Variants in AAMDC observed in about 807,000 individuals in gnomAD.
AAMDC encodes the protein adipogenesis associated Mth938 domain containing.
AAMDC carries 16 observed loss-of-function variants against 15.5 expected under a neutral mutation model. The observed-to-expected ratio is 1.03, with a 90% confidence interval of 0.70 to 1.57. The LOEUF (loss-of-function observed/expected upper bound fraction) is 1.57. Among genes scored for constraint, AAMDC ranks in the 40% most tolerant of loss-of-function variants. AAMDC has a pLI of 0.00. For missense variants in AAMDC, 141 were observed against 144.9 expected, an observed-to-expected ratio of 0.97 and a Z score of 0.14; for synonymous variants, 51 against 51.6, an observed-to-expected ratio of 0.99 and a Z score of 0.05.
rs1288648638 is a variant in AAMDC at position 77,891,363 on chromosome 11, T to C, written c.329-9208T>C. The C allele has an allele frequency of 1.4e-5, 22 of 1,611,144 alleles. No homozygotes were observed. The highest frequency in any genetic ancestry group is 1.8e-5 in the Non-Finnish European group (21 of 1,178,888). On this transcript the variant is annotated intron_variant, in intron 5 of 5. Transcript: ENST00000304716. ...TGAGGATCCTGCACATGCTCCAGGG[T>C]TGCATCAACATCCAGGGCAACCACC...
downstream of AAMDC, among the ~76,000 whole-genome samples, chr11:77,876,208 C>G (rs1951589845): frequency 6.6e-6 from 1 of 152,128 alleles, no homozygotes; most frequent in South Asian, 2.1e-4. Context: ...GCTCTGACTG[C>G]TGGGTGCATG....
chr11:77,904,308 A>T (rs1952873170), downstream of AAMDC, among the ~76,000 whole-genome samples: 1 of 152,224 alleles, frequency 6.6e-6, no homozygotes, highest in Non-Finnish European at 1.5e-5. Context: ...GAAATATAAC[A>T]TGAGCTATAT....
intron 2 of AAMDC, among the ~76,000 whole-genome samples, chr11:77,867,986 C>T (rs1312433412): frequency 2.6e-5 from 4 of 151,978 alleles, no homozygotes; most frequent in Admixed American, 6.6e-5. Flanking sequence ...TCTTTTCCCA[C>T]CTCATCTGTC....
intron 1 of AAMDC, among the ~76,000 whole-genome samples, chr11:77,838,685 G>A (rs1457549861): frequency 7.1e-6 from 1 of 141,676 alleles, no homozygotes; most frequent in South Asian, 2.2e-4. Flanking sequence ...GGCATTATCT[G>A]GGCTCACTGT....
chr11:77,821,154 C>G lies in AAMDC; in HGVS notation c.-106C>G, dbSNP rs1948877156. 5.1e-6 allele frequency: 2 copies of G among 389,002 alleles called. No individual in the cohort carries two copies. Among genetic ancestry groups the G allele is most frequent in the East Asian group, 7.9e-5 (2 of 25,284 alleles). The allele number at this position is 389,002 out of a possible 1,614,324, so 24.1% of individuals were successfully genotyped here. A position where few individuals can be genotyped will look rare whatever the true frequency, so the allele number is the denominator to read the frequency against. On this transcript the variant is annotated 5_prime_UTR_variant, in exon 1 of 4. Transcript: ENST00000393427. ...GTATTCCCGGAGGGCAGTTGGGGAG[C>G]GCAGATCCCGAAGCAGCGCTGGGAG...
intron 2 of AAMDC, among the ~76,000 whole-genome samples, chr11:77,864,152 C>A (rs1951006069): frequency 6.6e-6 from 1 of 152,120 alleles, no homozygotes; most frequent in Non-Finnish European, 1.5e-5. Context: ...GTCTCGAACT[C>A]CTGACCTCAG....
intron 5 of AAMDC, among the ~76,000 whole-genome samples, chr11:77,892,474 T>C (rs4245455): frequency 0.14 from 21,444 of 152,220 alleles, 1,684 homozygotes; most frequent in Admixed American, 0.2. Flanking sequence ...AGAGCTCTCA[T>C]CTTCCCAAAA....
At chr11:77,884,042 A>G in intron 5 of AAMDC, 1 of 1,337,488 alleles carries the variant, frequency 7.5e-7, no homozygotes, top group Non-Finnish European at 1.0e-6. Context: ...CTCAAAACAC[A>G]AGAAGAAACA....
Position 77,857,387 on chromosome 11 carries a change from A to C in AAMDC, c.133-12335A>C, listed in dbSNP as rs142330438. ...TGTCTAGATGTAGAAGTGTAGGAGA[A>C]AATGCTGGAGTAGAATCATGGGAAG... On this transcript the variant is annotated intron_variant, in intron 2 of 3. Coordinates refer to ENST00000393427, the MANE Select transcript of AAMDC (RefSeq NM_024684.4). Among the ~76,000 whole-genome samples, 324 of 152,314 alleles carry C rather than the reference A, an allele frequency of 2.1e-3. 1 individual carries two copies. The highest frequency in any genetic ancestry group is 7.1e-3 in the African/African-American group (295 of 41,570).
chr11:77,877,087 C>A, downstream of AAMDC: 1 of 701,404 alleles, frequency 1.4e-6, no homozygotes, highest in South Asian at 1.5e-5. Context: ...TGGAGTTAAT[C>A]ATTCTTCCCC....
chr11:77,887,617 A>C (rs1401750082), intron 5 of AAMDC, among the ~76,000 whole-genome samples: 1 of 152,196 alleles, frequency 6.6e-6, no homozygotes, highest in Admixed American at 6.5e-5. Context: ...AATTAGGAAA[A>C]GAGGAAGTCA....
At chr11:77,885,819 C>CA (rs1415394109) in intron 5 of AAMDC, among the ~76,000 whole-genome samples, 4 of 149,064 alleles carry the variant, frequency 2.7e-5, no homozygotes, top group East Asian at 3.9e-4. Context: ...GATTCTGTCT[C>CA]AAAAAAAAGA....
At chr11:77,901,242 T>C, downstream of AAMDC, 2 of 719,888 alleles carry the variant, frequency 2.8e-6, no homozygotes, top group Non-Finnish European at 4.8e-6. Flanking sequence ...TCCAAGGGTC[T>C]AATCTGATCC....
intron 5 of AAMDC, among the ~76,000 whole-genome samples, chr11:77,888,723 T>G (rs917026430): frequency 4.0e-5 from 6 of 151,774 alleles, no homozygotes; most frequent in African/African-American, 1.5e-4. Flanking sequence ...CAAACAAATT[T>G]ACAAGAAAAA....
chr11:77,897,165 A>G (rs1455225599), intron 5 of AAMDC, among the ~76,000 whole-genome samples: 1 of 151,840 alleles, frequency 6.6e-6, no homozygotes, highest in Non-Finnish European at 1.5e-5. Context: ...AGGAATTTAA[A>G]AGGCGACAGA....
chr11:77,885,977 G>A (rs1329125447), intron 5 of AAMDC, among the ~76,000 whole-genome samples: 1 of 152,138 alleles, frequency 6.6e-6, no homozygotes, highest in Non-Finnish European at 1.5e-5. Flanking sequence ...GAGGCGGGAG[G>A]ATTGCTTGAA....
intron 1 of AAMDC, among the ~76,000 whole-genome samples, chr11:77,840,076 AG>A (rs1949863865): frequency 7.2e-6 from 1 of 139,634 alleles, no homozygotes; most frequent in Admixed American, 7.4e-5. Context: ...GTAATATTAG[AG>A]TATGGAGAGG....
intron 1 of AAMDC, among the ~76,000 whole-genome samples, chr11:77,837,417 T>G (rs541430392): frequency 6.6e-6 from 1 of 151,044 alleles, no homozygotes; most frequent in African/African-American, 2.4e-5. Flanking sequence ...ATCACAGATG[T>G]AAGCCACTGC....
At chr11:77,905,199 G>C (rs1420580569), downstream of AAMDC, among the ~76,000 whole-genome samples, 1 of 152,164 alleles carries the variant, frequency 6.6e-6, no homozygotes, top group Admixed American at 6.5e-5. Flanking sequence ...GCTCATGCCT[G>C]TAATCCTAGC....
Sources: allele counts gnomAD v4.1 joint callset (sites outside exome capture counted in the v4.1 genomes callset), GRCh38; gene constraint gnomAD v4.1.1; transcripts MANE v1.5; gene names NCBI Gene and HGNC (gene_info 2026-07-23, HGNC 2026-07-21).